SENP1: variants seen among roughly 807,000 people sequenced by gnomAD.
SENP1 encodes the protein sentrin-specific protease 1.
In SENP1, 21 loss-of-function variants were observed where a neutral mutation model predicts 93.0. That is an observed-to-expected ratio of 0.23 (90% CI 0.16 to 0.33). The LOEUF is 0.33. Among genes scored for constraint, SENP1 ranks in the 10% least tolerant of loss-of-function variants. The pLI, the probability that SENP1 is intolerant of heterozygous loss-of-function variation, is 1.00. For synonymous variants in SENP1, 256 were observed against 259.6 expected, an observed-to-expected ratio of 0.99 and a Z score of 0.13; for missense variants, 591 against 758.7, an observed-to-expected ratio of 0.78 and a Z score of 2.60.
chr12:48,073,013 G>GAA (rs1489049710), intron 8 of SENP1, among the ~76,000 whole-genome samples: 35 of 151,948 alleles, frequency 2.3e-4, no homozygotes, highest in African/African-American at 8.2e-4. Flanking sequence ...AAGGAGGGAA[G>GAA]GGGGACAGGG....
intron 14 of SENP1, 43 bp downstream of exon 14, chr12:48,048,886 T>C (rs1030653831): frequency 6.2e-6 from 9 of 1,460,752 alleles, no homozygotes; most frequent in Non-Finnish European, 8.6e-6. Context: ...GTTCTATAAG[T>C]ACATAGCTTT....
intron 4 of SENP1, among the ~76,000 whole-genome samples, chr12:48,095,534 T>C (rs1592469506): frequency 4.4e-5 from 3 of 67,722 alleles, no homozygotes; most frequent in South Asian, 1.2e-3. Flanking sequence ...AGACTCTGTG[T>C]CAAAAAAAAA....
intron 13 of SENP1, among the ~76,000 whole-genome samples, chr12:48,052,376 A>C (rs1008498102): frequency 1.1e-4 from 17 of 152,176 alleles, no homozygotes; most frequent in Non-Finnish European, 1.8e-4. Flanking sequence ...CTTGAGAAAA[A>C]ATGTTCTAAA....
At chr12:48,069,225 G>A (rs1288763716) in intron 9 of SENP1, among the ~76,000 whole-genome samples, 1 of 150,812 alleles carries the variant, frequency 6.6e-6, no homozygotes, top group Non-Finnish European at 1.5e-5. Context: ...AGTAGACAGA[G>A]AGAGAAAGGG....
Position 48,094,627 on chromosome 12 carries a change from T to C in SENP1, c.220+1716A>G, listed in dbSNP as rs1190484123. ...CCCAGGAGGCGGAGGTTGCAGTGAGTCAAGATCGCGCCATTACACTCTAGC... is the reference window on the plus strand; with the variant it reads ...CCCAGGAGGCGGAGGTTGCAGTGAGCCAAGATCGCGCCATTACACTCTAGC... On this transcript the variant is annotated intron_variant, in intron 4 of 17. Transcript: ENST00000549518. Among the ~76,000 whole-genome samples, 3 of 151,562 alleles carry C rather than the reference T, an allele frequency of 2.0e-5. No individual in the cohort carries two copies. In the East Asian group the frequency reaches 5.8e-4, roughly 29 times the overall value.
intron 8 of SENP1, among the ~76,000 whole-genome samples, chr12:48,073,691 C>T (rs988124906): frequency 1.9e-4 from 29 of 152,284 alleles, no homozygotes; most frequent in African/African-American, 6.5e-4. Flanking sequence ...GCTTCCAATG[C>T]TGACAATCAT....
chr12:48,070,361 C>T (rs1943603592), intron 9 of SENP1, among the ~76,000 whole-genome samples: 1 of 152,124 alleles, frequency 6.6e-6, no homozygotes, highest in Non-Finnish European at 1.5e-5. Context: ...ATAGTATCCT[C>T]CCAATCCTAC....
chr12:48,097,978 G>C lies in SENP1; in HGVS notation c.135+16C>G. 1 of 1,608,076 alleles carries C rather than the reference G, an allele frequency of 6.2e-7. No individual in the cohort carries two copies. The highest frequency in any genetic ancestry group is 1.1e-5 in the South Asian group (1 of 89,904). On this transcript the variant is annotated intron_variant, in intron 3 of 17. Coordinates refer to ENST00000549518, the MANE Select transcript of SENP1 (RefSeq NM_001267594.2). Reference sequence around the variant, plus strand: ...CCAAATAATTAATTAATTAAAGGAAGAAAATTGCTCCTAACCTGCTGGTCA... The same window carrying C: ...CCAAATAATTAATTAATTAAAGGAACAAAATTGCTCCTAACCTGCTGGTCA...
chr12:48,080,121 A>G (rs1471356665), intron 6 of SENP1: 1 of 152,240 alleles, frequency 6.6e-6, no homozygotes, highest in Non-Finnish European at 1.5e-5. Flanking sequence ...TTTTCCAAAC[A>G]GAACTTTATA....
chr12:48,096,453 A>G, intron 3 of SENP1, 26 bp from the exon 4 acceptor site: 2 of 1,512,474 alleles, frequency 1.3e-6, no homozygotes, highest in Non-Finnish European at 1.8e-6. Context: ...GATTTTTCTT[A>G]AGTCACATTT....
Position 48,083,676 on chromosome 12 carries a change from G to C in SENP1, c.467C>G (p.Pro156Arg). The C allele has an allele frequency of 6.2e-7, 1 of 1,613,568 alleles. No homozygotes were observed. The highest frequency in any genetic ancestry group is 8.5e-7 in the Non-Finnish European group (1 of 1,179,618). The change falls in exon 6 of 18, where the codon CCA becomes CGA. Residue 156 changes from proline to arginine, a missense_variant. Physicochemically the swap from Pro to Arg is moderately radical, Grantham distance 103. Transcript: ENST00000549518. ...YEKSFPIKPV[P>R]SPSWSGSCRR... ...ACATGAACCACTCCAAGATGGACTT[G>C]GAACAGGTTTAATAGGAAAAGATTT...
Position 48,074,195 on chromosome 12 carries a change from G to A in SENP1, c.940+129C>T, listed in dbSNP as rs373238310. ...AAAGTTTCAGATTTTGGAACATTTCGGACTTCATATTTTCAGATTCGGTAT... is the reference window on the plus strand; with the variant it reads ...AAAGTTTCAGATTTTGGAACATTTCAGACTTCATATTTTCAGATTCGGTAT... On this transcript the variant is annotated intron_variant, in intron 8 of 17. Transcript: ENST00000549518. 5.0e-6 allele frequency: 4 copies of A among 805,204 alleles called. No individual in the cohort carries two copies. In the South Asian group the frequency reaches 5.8e-5, roughly 12 times the overall value. 49.9% of individuals were successfully genotyped at this position (805,204 alleles called of 1,614,324 possible). A position where few individuals can be genotyped will look rare whatever the true frequency, so the allele number is the denominator to read the frequency against.
At chr12:48,057,864 T>C (rs1252327292) in intron 13 of SENP1, among the ~76,000 whole-genome samples, 5 of 150,516 alleles carry the variant, frequency 3.3e-5, no homozygotes, top group Admixed American at 6.6e-5. Flanking sequence ...CGCAAAGTGC[T>C]GGGATTATAG....
chr12:48,066,831 G>T, intron 10 of SENP1, 96 bp downstream of exon 10: 2 of 1,042,120 alleles, frequency 1.9e-6, no homozygotes, highest in Non-Finnish European at 2.9e-6. Context: ...ACTTCTTATT[G>T]GCAAAAAATA....
rs1941127163 is a variant in SENP1 at position 48,043,395 on chromosome 12, C to A, written c.*1927G>T. ...AGTCCCCCAGACAATAGTGAAAGAA[C>A]CTGAAAAAGGTCTTTTGATTCATAG... On this transcript the variant is annotated 3_prime_UTR_variant, in exon 18 of 18. Coordinates refer to ENST00000549518, the MANE Select transcript of SENP1 (RefSeq NM_001267594.2). 2 of 152,584 alleles carry A rather than the reference C, an allele frequency of 1.3e-5. No homozygotes were observed. The highest frequency in any genetic ancestry group is 4.2e-4 in the South Asian group (2 of 4,816). 9.5% of individuals were successfully genotyped at this position (152,584 alleles called of 1,614,324 possible).
chr12:48,079,649 G>C (rs937637366), intron 6 of SENP1, among the ~76,000 whole-genome samples: 15 of 152,110 alleles, frequency 9.9e-5, no homozygotes, highest in Admixed American at 7.9e-4. Flanking sequence ...TAATTAAGGT[G>C]CTGAATTATA....
At chr12:48,095,964 T>C (rs1221644951) in intron 4 of SENP1, among the ~76,000 whole-genome samples, 4 of 152,200 alleles carry the variant, frequency 2.6e-5, no homozygotes, top group Non-Finnish European at 5.9e-5. Flanking sequence ...TCAGGTTTCA[T>C]GGTTTCAAGC....
chr12:48,099,052 T>G (rs1012974541), intron 2 of SENP1: 2 of 152,190 alleles, frequency 1.3e-5, no homozygotes, highest in Admixed American at 6.5e-5. Flanking sequence ...CCAGGCAAGG[T>G]GGCTCACACC....
chr12:48,073,478 C>CA (rs1341439850), intron 8 of SENP1, among the ~76,000 whole-genome samples: 1 of 151,508 alleles, frequency 6.6e-6, no homozygotes, highest in African/African-American at 2.4e-5. Context: ...CTCCATCTAT[C>CA]AAAAAATCCC....
Sources: gnomAD v4.1 joint callset for allele counts (sites outside exome capture counted in the v4.1 genomes callset) on GRCh38, gnomAD v4.1.1 for gene constraint, MANE v1.5 for transcripts, NCBI Gene and HGNC (gene_info 2026-07-23, HGNC 2026-07-21) for gene names.